The following RARS1 variants were observed in gnomAD, a reference collection of about 807,000 sequenced individuals.
The protein encoded by RARS1 is arginine--tRNA ligase, cytoplasmic.
A neutral mutation model predicts 78.7 loss-of-function variants in RARS1; 75 were observed. That is an observed-to-expected ratio of 0.95 (90% CI 0.79 to 1.15). The LOEUF (loss-of-function observed/expected upper bound fraction) is 1.15. RARS1 is among the 50% of genes most tolerant of loss of function. The probability of loss-of-function intolerance (pLI) is 0.00; values close to 1 mark genes in which losing one functional copy is unlikely to be tolerated. For missense variants in RARS1, 787 were observed against 787.5 expected (o/e 1.00, Z 0.01); for synonymous variants, 273 against 268.2 (o/e 1.02, Z -0.18).
At position 168,519,249 on chromosome 5, in the gene RARS1, T is replaced by A; in HGVS notation, c.*59T>A. 7.5e-7 allele frequency: 1 copy of A among 1,326,000 alleles called. No individual in the cohort carries two copies. The highest frequency in any genetic ancestry group is 1.3e-5 in the South Asian group (1 of 79,614). The allele number at this position is 1,326,000 out of a possible 1,614,324, so 82.1% of individuals were successfully genotyped here. ...CAAAGTGGCCATTGGCACTGTTTGCTTTTTTACAATCATGTGGACACAAGC... is the reference window on the plus strand; with the variant it reads ...CAAAGTGGCCATTGGCACTGTTTGCATTTTTACAATCATGTGGACACAAGC... On this transcript the variant is annotated 3_prime_UTR_variant, in exon 15 of 15. Coordinates refer to ENST00000231572, the MANE Select transcript of RARS1 (RefSeq NM_002887.4).
At chr5:168,492,367 G>A (rs866484662) in intron 2 of RARS1, among the ~76,000 whole-genome samples, 2 of 152,178 alleles carry the variant, frequency 1.3e-5, no homozygotes, top group East Asian at 3.8e-4. Flanking sequence ...GAGAAGCTGA[G>A]AAAAGGATTC....
Position 168,516,998 on chromosome 5 carries a change from T to C in RARS1, c.1625+48T>C, listed in dbSNP as rs968547433. ...TTATTGTGAATCAAATGAAAGCATA[T>C]TTAGTTACTCAAAAATATTTTCTTT... is the stretch of plus-strand genomic sequence containing the variant. On this transcript the variant is annotated intron_variant, in intron 13 of 14. Coordinates refer to ENST00000231572, the MANE Select transcript of RARS1 (RefSeq NM_002887.4). The C allele has an allele frequency of 1.9e-6, 3 of 1,549,504 alleles. No individual in the cohort carries two copies. In the African/African-American group the frequency reaches 4.2e-5, roughly 21 times the overall value.
intron 12 of RARS1, among the ~76,000 whole-genome samples, chr5:168,512,711 G>A (rs1384324827): frequency 6.6e-6 from 1 of 152,184 alleles, no homozygotes; most frequent in Admixed American, 6.5e-5. Flanking sequence ...AGCTAGGCCA[G>A]TCTCTTCTCT....
chr5:168,487,795 C>T (rs1757999864), intron 1 of RARS1, among the ~76,000 whole-genome samples: 1 of 152,172 alleles, frequency 6.6e-6, no homozygotes, highest in Non-Finnish European at 1.5e-5. Context: ...AGATGTTAAA[C>T]TACAAAGCCT....
intron 2 of RARS1, among the ~76,000 whole-genome samples, chr5:168,490,348 T>C (rs1336143791): frequency 2.0e-5 from 3 of 152,162 alleles, no homozygotes; most frequent in African/African-American, 7.2e-5. Context: ...TGCTAGAGAC[T>C]ATAAGGGAAA....
intron 7 of RARS1, among the ~76,000 whole-genome samples, chr5:168,499,589 A>T (rs778662989): frequency 6.6e-6 from 1 of 152,152 alleles, no homozygotes; most frequent in Non-Finnish European, 1.5e-5. Context: ...CTGATATGAG[A>T]CTGGAAAAGT....
chr5:168,518,087 T>TTTTTTTTTTTTTTTTTTTC, intron 14 of RARS1, 25 bp downstream of exon 14: 1 of 1,433,728 alleles, frequency 7.0e-7, no homozygotes, highest in Non-Finnish European at 9.1e-7. Flanking sequence ...TTTTTTTTTT[T>TTTTTTTTTTTTTTTTTTTC]TTTTTTTTAG....
intron 14 of RARS1, among the ~76,000 whole-genome samples, chr5:168,518,705 C>T (rs951215067): frequency 1.3e-5 from 2 of 152,016 alleles, no homozygotes; most frequent in Admixed American, 6.6e-5. Context: ...GGCAAGTAGG[C>T]ATTTGTTAAA....
chr5:168,516,730 G>C (rs751277374), intron 12 of RARS1, 48 bp from the exon 13 acceptor site: 1 of 1,584,990 alleles, frequency 6.3e-7, no homozygotes, highest in South Asian at 1.1e-5. Flanking sequence ...CACCAGGGCA[G>C]AAGCAGCAGT....
intron 5 of RARS1, chr5:168,495,114 G>C (rs1758157650): frequency 3.4e-6 from 3 of 878,354 alleles, no homozygotes; most frequent in South Asian, 2.5e-5. Context: ...TTCTTTTTCA[G>C]TTAAAAATAT....
At chr5:168,514,541 C>A (rs1758626624) in intron 12 of RARS1, among the ~76,000 whole-genome samples, 1 of 152,004 alleles carries the variant, frequency 6.6e-6, no homozygotes, top group African/African-American at 2.4e-5. Flanking sequence ...TCATAGTTTT[C>A]TTTAAACATT....
At chr5:168,502,316 AG>A (rs2152904825) in intron 9 of RARS1, among the ~76,000 whole-genome samples, 1 of 150,136 alleles carries the variant, frequency 6.7e-6, no homozygotes, top group African/African-American at 2.4e-5. Flanking sequence ...CTGAAAGAAC[AG>A]GACCTTCTTT....
intron 9 of RARS1, among the ~76,000 whole-genome samples, chr5:168,502,321 C>G (rs917801141): frequency 6.7e-6 from 1 of 148,518 alleles, no homozygotes; most frequent in Admixed American, 6.8e-5. Context: ...AGAACAGGAC[C>G]TTCTTTCTGC....
intron 11 of RARS1, among the ~76,000 whole-genome samples, chr5:168,508,260 T>A (rs1309179034): frequency 1.3e-5 from 2 of 152,128 alleles, no homozygotes; most frequent in African/African-American, 4.8e-5. Context: ...TGATAATTTT[T>A]AAAATTTTTC....
At position 168,506,043 on chromosome 5, in the gene RARS1, C is replaced by G. The variant is rs1296613023; in HGVS notation, c.1080C>G (p.Gly360=). The change falls in exon 10 of 15, where the codon GGC becomes GGG. Residue 360 remains glycine, a synonymous_variant. Coordinates refer to ENST00000231572, the MANE Select transcript of RARS1 (RefSeq NM_002887.4). The part of the protein sequence containing the change: ...EDRGFVQVDD[G]RKIVFVPGCS... ...TAGGATTTGTGCAGGTGGATGATGG[C>G]AGAAAGATTGTATTTGTCCCAGGGT... 6.2e-7 allele frequency: 1 copy of G among 1,603,236 alleles called. No individual in the cohort carries two copies. The highest frequency in any genetic ancestry group is 2.3e-5 in the East Asian group (1 of 44,278).
intron 12 of RARS1, among the ~76,000 whole-genome samples, chr5:168,513,602 A>G (rs1758607895): frequency 6.6e-6 from 1 of 152,158 alleles, no homozygotes; most frequent in Non-Finnish European, 1.5e-5. Context: ...TACAGGCATG[A>G]GCCACTGTGC....
intron 2 of RARS1, among the ~76,000 whole-genome samples, chr5:168,491,559 A>G (rs1489592449): frequency 6.6e-6 from 1 of 152,154 alleles, no homozygotes; most frequent in African/African-American, 2.4e-5. Flanking sequence ...TATGATAGAG[A>G]GGGCTGATGA....
At chr5:168,517,326 G>A (rs1219810116) in intron 13 of RARS1, among the ~76,000 whole-genome samples, 3 of 151,996 alleles carry the variant, frequency 2.0e-5, no homozygotes, top group Admixed American at 6.6e-5. Flanking sequence ...TATTTTTAGT[G>A]GAGACGGGGT....
At chr5:168,507,568 A>G (rs145167361) in intron 11 of RARS1, among the ~76,000 whole-genome samples, 83 of 152,360 alleles carry the variant, frequency 5.4e-4, no homozygotes, top group African/African-American at 1.7e-3. Flanking sequence ...CACATGAAGT[A>G]GCTCAAGATG....
Sources: gnomAD v4.1 joint callset for allele counts (sites outside exome capture counted in the v4.1 genomes callset) on GRCh38, gnomAD v4.1.1 for gene constraint, MANE v1.5 for transcripts, NCBI Gene and HGNC (gene_info 2026-07-23, HGNC 2026-07-21) for gene names.